The following CNTNAP4 variants were observed in gnomAD, a reference collection of about 807,000 sequenced individuals.
The protein encoded by CNTNAP4 is contactin associated protein family member 4.
A neutral mutation model predicts 148.4 loss-of-function variants in CNTNAP4; 98 were observed. The observed-to-expected ratio is 0.66, with a 90% CI of 0.56 to 0.78. The LOEUF (loss-of-function observed/expected upper bound fraction) is 0.78, where lower values mean the gene tolerates loss of function less well. CNTNAP4 is among the 30% of genes least tolerant of loss of function. The pLI is 0.00. For missense variants in CNTNAP4, 1,935 were observed against 1,565.6 expected (o/e 1.24, Z -3.98); for synonymous variants, 730 against 565.1 (o/e 1.29, Z -4.14).
At chr16:76,492,094 G>A (rs2082244343) in intron 13 of CNTNAP4, among the ~76,000 whole-genome samples, 1 of 152,206 alleles carries the variant, frequency 6.6e-6, no homozygotes, top group African/African-American at 2.4e-5. Context: ...GTAAAAGAGT[G>A]ATTTCTAGGG....
chr16:76,560,599 A>G lies in CNTNAP4; in HGVS notation c.*1916A>G, dbSNP rs1417128609. On this transcript the variant is annotated 3_prime_UTR_variant, in exon 24 of 24. Transcript: ENST00000611870. ...CCTCATTGGTAGCTGAACTCTAGGG[A>G]GGTTTATTGGTGAAGCCTCACAGTC... Among the ~76,000 whole-genome samples, 2 of 152,068 alleles carry G rather than the reference A, an allele frequency of 1.3e-5. No individual in the cohort carries two copies. The highest frequency in any genetic ancestry group is 2.9e-5 in the Non-Finnish European group (2 of 68,006).
intron 21 of CNTNAP4, 99 bp from the exon 22 acceptor site, chr16:76,553,184 C>T (rs1030344608): frequency 4.7e-6 from 3 of 631,592 alleles, no homozygotes; most frequent in African/African-American, 3.7e-5. Flanking sequence ...AATTTAGTAA[C>T]TTTATTGCTA....
intron 3 of CNTNAP4, among the ~76,000 whole-genome samples, chr16:76,379,352 G>A (rs2015740613): frequency 6.6e-6 from 1 of 152,110 alleles, no homozygotes; most frequent in African/African-American, 2.4e-5. Context: ...AGGTTAGGTA[G>A]TTTTCCTCTA....
intron 3 of CNTNAP4, among the ~76,000 whole-genome samples, chr16:76,379,948 G>C (rs901469427): frequency 6.6e-6 from 1 of 150,954 alleles, no homozygotes; most frequent in Non-Finnish European, 1.5e-5. Context: ...ATGACCTCAG[G>C]GTGTGAAGTC....
intron 3 of CNTNAP4, among the ~76,000 whole-genome samples, chr16:76,381,543 C>T (rs746973932): frequency 3.3e-5 from 5 of 152,046 alleles, no homozygotes; most frequent in African/African-American, 1.2e-4. Flanking sequence ...TTCAGGTGAT[C>T]GTCAATTTCA....
intron 18 of CNTNAP4, among the ~76,000 whole-genome samples, chr16:76,536,928 G>A (rs975430926): frequency 6.6e-6 from 1 of 152,060 alleles, no homozygotes; most frequent in African/African-American, 2.4e-5. Context: ...AACAAAACTT[G>A]GCTCCAGATT....
At chr16:76,488,568 C>G (rs1201889632) in intron 12 of CNTNAP4, among the ~76,000 whole-genome samples, 1 of 152,122 alleles carries the variant, frequency 6.6e-6, no homozygotes, top group Non-Finnish European at 1.5e-5. Context: ...AATGTCTTAG[C>G]TAAAAAGAGA....
chr16:76,350,034 C>T (rs1354823879), intron 2 of CNTNAP4, among the ~76,000 whole-genome samples: 1 of 151,860 alleles, frequency 6.6e-6, no homozygotes, highest in Non-Finnish European at 1.5e-5. Context: ...TCTCCCTTAC[C>T]AGCACTAAAT....
At chr16:76,359,314 C>G (rs894498142) in intron 3 of CNTNAP4, among the ~76,000 whole-genome samples, 4 of 152,102 alleles carry the variant, frequency 2.6e-5, no homozygotes, top group African/African-American at 9.7e-5. Flanking sequence ...AGTTAGGAAA[C>G]ACATAAGGCA....
At position 76,291,672 on chromosome 16, in the gene CNTNAP4, CCTT is replaced by C. The variant is rs553232953; in HGVS notation, c.85+13930_85+13932del. 5.7e-4 allele frequency among the ~76,000 whole-genome samples: 87 copies of C among 152,322 alleles called. 1 individual carries two copies. Among genetic ancestry groups the C allele is most frequent in the Non-Finnish European group, 8.7e-4 (59 of 68,032 alleles). ...AATCTCAGTACACACAGCTCCTCCT[CCTT>C]CTTCCTGTGATACATTCTATGCTTA... On this transcript the variant is annotated intron_variant, in intron 1 of 23. Transcript: ENST00000611870.
intron 3 of CNTNAP4, among the ~76,000 whole-genome samples, chr16:76,378,044 C>G (rs542633185): frequency 6.6e-6 from 1 of 152,270 alleles, no homozygotes; most frequent in Admixed American, 6.5e-5. Flanking sequence ...ATTAGAAACC[C>G]AGGCTGCTCG....
chr16:76,352,640 C>T (rs1045241847), intron 2 of CNTNAP4, among the ~76,000 whole-genome samples: 7 of 152,076 alleles, frequency 4.6e-5, no homozygotes, highest in African/African-American at 1.7e-4. Flanking sequence ...CAACAAAGTG[C>T]CTGACACAAA....
intron 2 of CNTNAP4, among the ~76,000 whole-genome samples, chr16:76,318,269 C>G (rs1962019099): frequency 1.3e-5 from 2 of 152,198 alleles, no homozygotes; most frequent in Non-Finnish European, 2.9e-5. Flanking sequence ...GAAAGGAACA[C>G]AACATTTTAA....
In CNTNAP4 at chr16:76,498,674, C is replaced by T. The variant is rs1442295979; in HGVS notation, c.2345C>T (p.Pro782Leu). ...LHSEAAYKLG[P>L]LLCQGDRSFW... is the part of the protein sequence containing the mutation. ...TCAGAAGCAGCTTATAAACTGGGGC[C>T]TCTGCTCTGCCAGGGAGACAGTAAG... The change falls in exon 15 of 24, where the codon CCT (proline) becomes CTT (leucine). Residue 782 changes from proline to leucine, a missense_variant. Physicochemically the swap from Pro to Leu is moderately conservative, Grantham distance 98. Transcript: ENST00000611870. The T allele has an allele frequency of 1.9e-6, 3 of 1,610,794 alleles. No individual in the cohort carries two copies. The East Asian group carries it at 6.7e-5, about 36-fold the overall frequency.
chr16:76,278,010 C>G (rs1225014122), intron 1 of CNTNAP4, among the ~76,000 whole-genome samples: 1 of 152,118 alleles, frequency 6.6e-6, no homozygotes, highest in Non-Finnish European at 1.5e-5. Flanking sequence ...ATTGAGAATG[C>G]CCAAGTTCTA....
At chr16:76,389,289 C>T (rs1011416287) in intron 3 of CNTNAP4, among the ~76,000 whole-genome samples, 2 of 152,248 alleles carry the variant, frequency 1.3e-5, no homozygotes, top group Admixed American at 6.5e-5. Context: ...CATGTATACA[C>T]GTATCAACTA....
intron 2 of CNTNAP4, among the ~76,000 whole-genome samples, chr16:76,351,069 G>C (rs991109578): frequency 6.6e-6 from 1 of 152,142 alleles, no homozygotes; most frequent in Non-Finnish European, 1.5e-5. Flanking sequence ...AGTTTCATAA[G>C]AATTGGTTTC....
intron 8 of CNTNAP4, among the ~76,000 whole-genome samples, chr16:76,455,911 G>T (rs566512754): frequency 3.3e-5 from 5 of 152,300 alleles, no homozygotes; most frequent in African/African-American, 1.2e-4. Flanking sequence ...GGAACTAGAA[G>T]ACGATCTGTA....
At chr16:76,544,576 A>G (rs2084622639) in intron 21 of CNTNAP4, among the ~76,000 whole-genome samples, 1 of 152,194 alleles carries the variant, frequency 6.6e-6, no homozygotes, top group African/African-American at 2.4e-5. Flanking sequence ...TGGGAAGATA[A>G]AGGTTTTAGT....
Sources: allele counts gnomAD v4.1 joint callset (sites outside exome capture counted in the v4.1 genomes callset), GRCh38; gene constraint gnomAD v4.1.1; transcripts MANE v1.5; gene names NCBI Gene and HGNC (gene_info 2026-07-23, HGNC 2026-07-21).